The following MEI1 variants were observed in gnomAD, a reference collection of about 807,000 sequenced individuals.
The protein encoded by MEI1 is meiosis inhibitor protein 1.
A neutral mutation model predicts 146.2 loss-of-function variants in MEI1; 103 were observed. The ratio of observed to expected loss-of-function variants is 0.70; its 90% confidence interval spans 0.60 to 0.83. The LOEUF (loss-of-function observed/expected upper bound fraction) is 0.83. MEI1 is among the 40% of genes least tolerant of loss of function. MEI1 has a pLI of 0.00. For synonymous variants in MEI1, 652 were observed against 628.2 expected (o/e 1.04, Z -0.57); for missense variants, 1,529 against 1,533.0 (o/e 1.00, Z 0.04).
intron 11 of MEI1, 35 bp downstream of exon 11, chr22:41,732,638 T>C (rs763555910): frequency 1.1e-5 from 17 of 1,601,834 alleles, no homozygotes; most frequent in Admixed American, 1.7e-5. Context: ...TTTCCATCCC[T>C]GCATATACCT....
At chr22:41,781,662 C>A in intron 23 of MEI1, 23 bp from the exon 24 acceptor site, 1 of 1,609,172 alleles carries the variant, frequency 6.2e-7, no homozygotes, top group Non-Finnish European at 8.5e-7. Flanking sequence ...TCCTGTGGGC[C>A]CTGCCTTGCC....
chr22:41,794,015 C>T (rs920494064), intron 27 of MEI1, 105 bp downstream of exon 27: 1 of 1,105,698 alleles, frequency 9.0e-7, no homozygotes, highest in Non-Finnish European at 1.3e-6. Flanking sequence ...GTGACTCATA[C>T]TTGTTTTGTT....
intron 19 of MEI1, among the ~76,000 whole-genome samples, chr22:41,767,203 A>T (rs1602040789): frequency 6.6e-6 from 1 of 152,306 alleles, no homozygotes; most frequent in East Asian, 1.9e-4. Context: ...TTTATGTGGT[A>T]TCTTTATGAA....
intron 7 of MEI1, among the ~76,000 whole-genome samples, chr22:41,726,895 T>C (rs887824475): frequency 6.6e-6 from 1 of 151,838 alleles, no homozygotes; most frequent in Non-Finnish European, 1.5e-5. Context: ...TGCCTCAGCC[T>C]CCCGAGTAGC....
At chr22:41,706,208 A>C (rs898421730) in intron 3 of MEI1, among the ~76,000 whole-genome samples, 8 of 152,080 alleles carry the variant, frequency 5.3e-5, no homozygotes, top group Non-Finnish European at 1.2e-4. Flanking sequence ...TCGTTGAGAC[A>C]GGGACTTACC....
intron 18 of MEI1, among the ~76,000 whole-genome samples, chr22:41,761,353 C>T (rs564582601): frequency 6.9e-6 from 1 of 144,758 alleles, no homozygotes; most frequent in South Asian, 2.2e-4. Flanking sequence ...CTCACTCTGT[C>T]GCCCAGGCTG....
At chr22:41,791,613 C>A (rs996455254) in intron 26 of MEI1, among the ~76,000 whole-genome samples, 1 of 152,154 alleles carries the variant, frequency 6.6e-6, no homozygotes, top group Non-Finnish European at 1.5e-5. Context: ...CATCCTCATA[C>A]CCATGAGGGT....
chr22:41,755,822 T>C (rs1160882312), intron 17 of MEI1, among the ~76,000 whole-genome samples: 1 of 152,148 alleles, frequency 6.6e-6, no homozygotes, highest in African/African-American at 2.4e-5. Context: ...AACTTGGAAT[T>C]AGGAGAGCTG....
At chr22:41,700,361 C>G (rs1304045676) in intron 1 of MEI1, among the ~76,000 whole-genome samples, 1 of 152,242 alleles carries the variant, frequency 6.6e-6, no homozygotes, top group African/African-American at 2.4e-5. Context: ...GACGGAGTCT[C>G]GCTCTGACAC....
Position 41,795,681 on chromosome 22 carries a change from T to C in MEI1, c.3667-54T>C. 1 of 1,592,878 alleles carries C rather than the reference T, an allele frequency of 6.3e-7. No individual in the cohort carries two copies. Among genetic ancestry groups the C allele is most frequent in the African/African-American group, 1.3e-5 (1 of 74,624 alleles). The stretch of plus-strand genomic sequence containing the variant: ...ACAGAGGATGGAGGCAGTTAGGGCC[T>C]GTGTGGAATGGGCACTGAGGAGGCC... On this transcript the variant is annotated intron_variant, in intron 29 of 30. Coordinates refer to ENST00000401548, the MANE Select transcript of MEI1 (RefSeq NM_152513.4). The surrounding 1 kb of genome is among the most constrained non-coding windows in gnomAD (Gnocchi z 4.2).
At chr22:41,729,119 CAT>C in intron 7 of MEI1, among the ~76,000 whole-genome samples, 1 of 137,728 alleles carries the variant, frequency 7.3e-6, no homozygotes, top group East Asian at 2.3e-4. Context: ...GAGCCAAGAT[CAT>C]GCCACTGTAC....
At position 41,793,019 on chromosome 22, in the gene MEI1, G is replaced by C. The variant is rs139087905; in HGVS notation, c.3346-810G>C. ...TGGCCCAGGGTCCATCTTCTTTTCT[G>C]AAACAAAGCATTCTTTTTTTTTTTT... On this transcript the variant is annotated intron_variant, in intron 26 of 30. Transcript: ENST00000401548. 9.7e-5 allele frequency among the ~76,000 whole-genome samples: 10 copies of C among 103,036 alleles called. No individual in the cohort carries two copies. The East Asian group carries it at 2.1e-3, about 21-fold the overall frequency. The allele number at this position is 103,036 out of a possible 152,430, so 67.6% of individuals were successfully genotyped here.
chr22:41,770,638 G>T (rs1442136438), intron 19 of MEI1, 48 bp from the exon 20 acceptor site: 2 of 1,563,820 alleles, frequency 1.3e-6, no homozygotes, highest in Non-Finnish European at 1.7e-6. Flanking sequence ...GGGGTCTCTT[G>T]GGTCCTCTGC....
intron 19 of MEI1, among the ~76,000 whole-genome samples, chr22:41,768,912 C>T (rs2075013517): frequency 2.0e-5 from 3 of 152,162 alleles, no homozygotes; most frequent in Admixed American, 6.5e-5. Flanking sequence ...TACTGTTTTT[C>T]TCTAGTTTTT....
Position 41,795,705 on chromosome 22 carries a change from C to A in MEI1, c.3667-30C>A, listed in dbSNP as rs1602204726. 1 of 1,603,588 alleles carries A rather than the reference C, an allele frequency of 6.2e-7. No individual in the cohort carries two copies. The highest frequency in any genetic ancestry group is 8.5e-7 in the Non-Finnish European group (1 of 1,172,790). ...CTGTGTGGAATGGGCACTGAGGAGG[C>A]CTGTCTTCCCTGCCCTCTTCTCCCT... On this transcript the variant is annotated intron_variant, in intron 29 of 30. Transcript: ENST00000401548. The surrounding 1 kb of genome is among the most constrained non-coding windows in gnomAD (Gnocchi z 4.2).
intron 24 of MEI1, 138 bp downstream of exon 24, chr22:41,781,983 T>C: frequency 1.1e-6 from 1 of 909,900 alleles, no homozygotes; most frequent in South Asian, 1.8e-5. Flanking sequence ...CTGAGCTCAG[T>C]TTCCTTTCCT....
chr22:41,733,863 A>T (rs957544824), intron 11 of MEI1, among the ~76,000 whole-genome samples: 1 of 152,188 alleles, frequency 6.6e-6, no homozygotes, highest in Non-Finnish European at 1.5e-5. Flanking sequence ...GCGGTGGCTC[A>T]TGCCTATAAT....
At position 41,748,236 on chromosome 22, in the gene MEI1, G is replaced by A. The variant is rs1409853816; in HGVS notation, c.1792+18G>A. 6 of 1,559,996 alleles carry A rather than the reference G, an allele frequency of 3.8e-6. No individual in the cohort carries two copies. The highest frequency in any genetic ancestry group is 5.3e-6 in the Non-Finnish European group (6 of 1,131,088). On this transcript the variant is annotated intron_variant, in intron 15 of 30. Coordinates refer to ENST00000401548, the MANE Select transcript of MEI1 (RefSeq NM_152513.4). ...GAAGCTTGGTAGGCAGCAGGCAAAT[G>A]TGGAGGTTGGGAGGGAGGCAAGCAC... is the stretch of plus-strand genomic sequence containing the variant.
chr22:41,707,859 A>G (rs889694823), intron 3 of MEI1, among the ~76,000 whole-genome samples: 3 of 152,254 alleles, frequency 2.0e-5, no homozygotes, highest in African/African-American at 7.2e-5. Flanking sequence ...TGCAGAGTCC[A>G]GTCTTAGTCT....
Sources: gnomAD v4.1 joint callset for allele counts (sites outside exome capture counted in the v4.1 genomes callset) on GRCh38, gnomAD v4.1.1 for gene constraint, Gnocchi (gnomAD v3.1) non-coding constraint, MANE v1.5 for transcripts, NCBI Gene and HGNC (gene_info 2026-07-23, HGNC 2026-07-21) for gene names.